The following MUCL1 variants were observed in gnomAD, a reference collection of about 807,000 sequenced individuals.
The protein encoded by MUCL1 is mucin-like protein 1.
In MUCL1, 11 loss-of-function variants were observed where a neutral mutation model predicts 9.2. That is an observed-to-expected ratio of 1.19 (90% CI 0.75 to 1.97). MUCL1 has a LOEUF of 1.97. Among genes scored for constraint, MUCL1 ranks in the 30% most tolerant of loss-of-function variants. MUCL1 has a pLI of 0.00. For missense variants in MUCL1, 144 were observed against 110.9 expected, an observed-to-expected ratio of 1.30 and a Z score of -1.34; for synonymous variants, 48 against 40.5, an observed-to-expected ratio of 1.19 and a Z score of -0.71.
At chr12:54,832,766 A>G (rs1959187073) in intron 1 of MUCL1, among the ~76,000 whole-genome samples, 1 of 152,104 alleles carries the variant, frequency 6.6e-6, no homozygotes, top group Admixed American at 6.6e-5. Flanking sequence ...ATATTATTTG[A>G]TATGTTAAGC....
In MUCL1 at chr12:54,858,272, G is replaced by A; in HGVS notation, c.*30G>A. On this transcript the variant is annotated 3_prime_UTR_variant, in exon 4 of 4. Coordinates refer to ENST00000308796, the MANE Select transcript of MUCL1 (RefSeq NM_058173.3). The stretch of plus-strand genomic sequence containing the variant: ...GAATCAGCTTGAGTCTTCTGCAATT[G>A]GTCACAACTATTCATGCTTCCTGTG... 6.2e-7 allele frequency: 1 copy of A among 1,612,560 alleles called. No homozygotes were observed. The highest frequency in any genetic ancestry group is 8.5e-7 in the Non-Finnish European group (1 of 1,178,910).
At chr12:54,853,547 C>T (rs184052056), upstream of MUCL1, among the ~76,000 whole-genome samples, 46 of 152,262 alleles carry the variant, frequency 3.0e-4, 1 homozygote, top group East Asian at 8.7e-3. Context: ...TTGTTGATTC[C>T]TCAGCTCCTT....
At chr12:54,853,934 A>T (rs181205015), upstream of MUCL1, among the ~76,000 whole-genome samples, 1 of 152,336 alleles carries the variant, frequency 6.6e-6, no homozygotes, top group East Asian at 1.9e-4. Flanking sequence ...TTGAATTTTT[A>T]TACAATGGTT....
At chr12:54,840,060 T>A (rs1432597248) in intron 1 of MUCL1, among the ~76,000 whole-genome samples, 2 of 152,104 alleles carry the variant, frequency 1.3e-5, no homozygotes, top group Non-Finnish European at 2.9e-5. Flanking sequence ...TCCCTGAGGG[T>A]CAGACTACTG....
At chr12:54,854,225 C>A (rs542827098), upstream of MUCL1, among the ~76,000 whole-genome samples, 1 of 152,206 alleles carries the variant, frequency 6.6e-6, no homozygotes, top group African/African-American at 2.4e-5. Context: ...GCATCTCCAA[C>A]CTGTCATAGG....
chr12:54,832,328 C>T (rs747531755), intron 1 of MUCL1, among the ~76,000 whole-genome samples: 1 of 152,028 alleles, frequency 6.6e-6, no homozygotes, highest in Non-Finnish European at 1.5e-5. Context: ...TTGGTTTGCT[C>T]TTAATAAGAG....
upstream of MUCL1, among the ~76,000 whole-genome samples, chr12:54,834,848 G>A (rs112202911): frequency 8.9e-4 from 136 of 152,070 alleles, no homozygotes; most frequent in African/African-American, 3.1e-3. Flanking sequence ...CCTGTCACCC[G>A]AGCAGTGTAC....
At position 54,856,827 on chromosome 12, in the gene MUCL1, CAACCACT is replaced by C. The variant is rs769950148; in HGVS notation, c.159_165del (p.Thr54LeufsTer41). ...GAAACCACTGCTGCTGCAACCACTG[CAACCACT>C]GCTGCTCCTACCACTGCAACCACCG... is the stretch of plus-strand genomic sequence containing the variant. On this transcript the variant is annotated frameshift_variant, in exon 3 of 4. Coordinates refer to ENST00000308796, the MANE Select transcript of MUCL1 (RefSeq NM_058173.3). LOFTEE classifies it high-confidence loss of function. The C allele has an allele frequency of 1.7e-5, 28 of 1,612,038 alleles. No individual in the cohort carries two copies. Among genetic ancestry groups the C allele is most frequent in the Middle Eastern group, 1.6e-4 (1 of 6,062 alleles).
chr12:54,855,248 T>A, intron 2 of MUCL1, 91 bp downstream of exon 2: 2 of 1,171,620 alleles, frequency 1.7e-6, no homozygotes, highest in Non-Finnish European at 2.5e-6. Context: ...ATGTGGATAG[T>A]CTTTGTTATA....
At chr12:54,832,008 T>C (rs2121476146) in intron 1 of MUCL1, among the ~76,000 whole-genome samples, 1 of 152,194 alleles carries the variant, frequency 6.6e-6, no homozygotes, top group Middle Eastern at 3.4e-3. Flanking sequence ...GATATATCTT[T>C]GATAGGAAAT....
At chr12:54,841,338 T>G (rs1424689154) in intron 1 of MUCL1, among the ~76,000 whole-genome samples, 1 of 152,228 alleles carries the variant, frequency 6.6e-6, no homozygotes, top group African/African-American at 2.4e-5. Context: ...TATAAGATGC[T>G]GATTTCCTTT....
At chr12:54,841,104 G>T (rs2135940944) in intron 1 of MUCL1, among the ~76,000 whole-genome samples, 1 of 152,220 alleles carries the variant, frequency 6.6e-6, no homozygotes, top group South Asian at 2.1e-4. Context: ...TCTGTGCCTG[G>T]TTTATTTCAC....
intron 3 of MUCL1, among the ~76,000 whole-genome samples, chr12:54,857,373 T>A (rs1229598316): frequency 1.3e-5 from 2 of 152,068 alleles, no homozygotes; most frequent in Non-Finnish European, 2.9e-5. Flanking sequence ...GATTTTACAA[T>A]CTTTCTTGAG....
At chr12:54,852,963 T>G (rs1333958252), upstream of MUCL1, among the ~76,000 whole-genome samples, 1 of 152,138 alleles carries the variant, frequency 6.6e-6, no homozygotes, top group Non-Finnish European at 1.5e-5. Context: ...AAGATATGAG[T>G]TTACCCAGGA....
intron 1 of MUCL1, among the ~76,000 whole-genome samples, chr12:54,844,169 C>T (rs1002957964): frequency 2.0e-5 from 3 of 152,112 alleles, no homozygotes; most frequent in African/African-American, 7.2e-5. Flanking sequence ...ATTTGGGAAG[C>T]ATTTTGATAA....
At chr12:54,855,281 T>G (rs1257823751) in intron 2 of MUCL1, 124 bp downstream of exon 2, 1 of 797,954 alleles carries the variant, frequency 1.3e-6, no homozygotes, top group Non-Finnish European at 2.1e-6. Flanking sequence ...CAAAAGTCTG[T>G]GAAAGCTATA....
rs1868316637 is a variant in MUCL1, at chr12:54,858,343, T to G, written c.*101T>G. On this transcript the variant is annotated 3_prime_UTR_variant, in exon 4 of 4. Coordinates refer to ENST00000308796, the MANE Select transcript of MUCL1 (RefSeq NM_058173.3). ...TTGCCTACGATATCCCCTTTATCTC[T>G]AATCAGTTTATTTTCTTTCAAATAA... 2 of 1,355,008 alleles carry G rather than the reference T, an allele frequency of 1.5e-6. No individual in the cohort carries two copies. The highest frequency in any genetic ancestry group is 2.1e-6 in the Non-Finnish European group (2 of 952,972). 83.9% of individuals were successfully genotyped at this position (1,355,008 alleles called of 1,614,324 possible).
At chr12:54,845,800 C>T (rs1959245531) in intron 1 of MUCL1, among the ~76,000 whole-genome samples, 1 of 152,148 alleles carries the variant, frequency 6.6e-6, no homozygotes, top group African/African-American at 2.4e-5. Flanking sequence ...AATTTTCTTA[C>T]ATACCTACAG....
At chr12:54,851,895 T>A (rs1406564878), upstream of MUCL1, among the ~76,000 whole-genome samples, 3 of 152,120 alleles carry the variant, frequency 2.0e-5, no homozygotes, top group Admixed American at 6.5e-5. Context: ...ATGACTGAAC[T>A]CCCATTCCCA....
Sources: allele counts gnomAD v4.1 joint callset (sites outside exome capture counted in the v4.1 genomes callset), GRCh38; gene constraint gnomAD v4.1.1; transcripts MANE v1.5; gene names NCBI Gene and HGNC (gene_info 2026-07-23, HGNC 2026-07-21).